Variants in BPTF observed in about 807,000 individuals in gnomAD.
The protein encoded by BPTF is bromodomain PHD finger transcription factor, also known as nucleosome-remodeling factor subunit BPTF.
Under a neutral mutation model 292.5 loss-of-function variants are expected in BPTF, and 18 were observed. The observed-to-expected ratio is 0.06, with a 90% confidence interval of 0.04 to 0.09. The LOEUF (loss-of-function observed/expected upper bound fraction) is 0.09, where lower values mean the gene tolerates loss of function less well. BPTF is among the 10% of genes least tolerant of loss of function. The probability of loss-of-function intolerance (pLI) is 1.00; values close to 1 mark genes in which losing one functional copy is unlikely to be tolerated. For synonymous variants in BPTF, 1,225 were observed against 1,251.9 expected (o/e 0.98, Z 0.45); for missense variants, 2,726 against 3,498.7 (o/e 0.78, Z 5.57).
chr17:67,828,657 T>G (rs2056349566), intron 1 of BPTF, among the ~76,000 whole-genome samples: 1 of 152,192 alleles, frequency 6.6e-6, no homozygotes, highest in African/African-American at 2.4e-5. Flanking sequence ...GCCTCCCAAG[T>G]AGCTGGGATT....
chr17:67,869,454 TATC>T (rs2059578596), intron 3 of BPTF, among the ~76,000 whole-genome samples: 1 of 152,306 alleles, frequency 6.6e-6, no homozygotes, highest in South Asian at 2.1e-4. Flanking sequence ...CATTATGAAT[TATC>T]ATGTGATAGA....
chr17:67,832,613 T>A (rs1453692335), intron 1 of BPTF, among the ~76,000 whole-genome samples: 1 of 151,968 alleles, frequency 6.6e-6, no homozygotes, highest in African/African-American at 2.4e-5. Flanking sequence ...TTTAGTGGTT[T>A]TTTTAGTATA....
intron 2 of BPTF, among the ~76,000 whole-genome samples, chr17:67,866,052 C>T (rs999507843): frequency 7.2e-5 from 11 of 152,156 alleles, no homozygotes; most frequent in African/African-American, 2.4e-4. Context: ...GCCTAGGAGT[C>T]TGAGTACGCA....
chr17:67,926,201 C>G (rs1257037015), intron 15 of BPTF, among the ~76,000 whole-genome samples: 1 of 150,370 alleles, frequency 6.7e-6, no homozygotes, highest in Admixed American at 6.7e-5. Context: ...AGAGATAGGA[C>G]TTTTGCCATA....
chr17:67,861,889 C>T lies in BPTF; in HGVS notation c.1437-4575C>T, dbSNP rs1490616359. On this transcript the variant is annotated intron_variant, in intron 2 of 27. Transcript: ENST00000306378. ...ATGCTACTTCCTAGGGATTTCTTTG[C>T]CTGCACCCCTTTCTTTCCCTGAACC... Among the ~76,000 whole-genome samples, 4 of 152,188 alleles carry T rather than the reference C, an allele frequency of 2.6e-5. No individual in the cohort carries two copies. In the East Asian group the frequency reaches 7.7e-4, roughly 29 times the overall value.
intron 4 of BPTF, among the ~76,000 whole-genome samples, chr17:67,889,661 A>G (rs546988907): frequency 3.9e-5 from 6 of 152,138 alleles, no homozygotes; most frequent in Admixed American, 6.5e-5. Context: ...TACAAAAATT[A>G]GCTGGGCATG....
intron 4 of BPTF, chr17:67,886,390 TG>T: frequency 9.4e-7 from 1 of 1,058,594 alleles, no homozygotes; most frequent in Non-Finnish European, 1.3e-6. Flanking sequence ...TGTGTGTGTG[TG>T]GTTTTTTGCT....
intron 7 of BPTF, among the ~76,000 whole-genome samples, chr17:67,899,533 CTT>C (rs573598642): frequency 1.6e-4 from 21 of 134,996 alleles, no homozygotes; most frequent in Non-Finnish European, 2.2e-4. Flanking sequence ...AGTTTTTTTT[CTT>C]TTTTTTTTTT....
chr17:67,857,034 G>T (rs1291122477), intron 2 of BPTF, among the ~76,000 whole-genome samples: 2 of 151,820 alleles, frequency 1.3e-5, no homozygotes, highest in Non-Finnish European at 2.9e-5. Flanking sequence ...TTTAGTTTGA[G>T]ATCAGGCTTT....
chr17:67,901,596 C>G (rs769338145), intron 7 of BPTF, among the ~76,000 whole-genome samples: 1 of 152,000 alleles, frequency 6.6e-6, no homozygotes, highest in Non-Finnish European at 1.5e-5. Context: ...CTAATACAAA[C>G]AAGACAAAGG....
rs1451496481 is a variant in BPTF, at chr17:67,911,170, A to G, written c.3286A>G (p.Thr1096Ala). The part of the protein sequence containing the change: ...GGIKGIGKTS[T>A]NSSKNLSESP... ...AATTAAGGGTATAGGAAAGACTTCT[A>G]CAAATTCTTCAAAAAATCTCTCTGA... Residue 1096 changes from threonine to alanine, a missense_variant, in exon 11 of 28, where the codon ACA (threonine) becomes GCA (alanine). Thr to Ala is a moderately conservative substitution (Grantham distance 58). Coordinates refer to ENST00000306378, the MANE Select transcript of BPTF (RefSeq NM_182641.4). 3.7e-6 allele frequency: 6 copies of G among 1,613,852 alleles called. No homozygotes were observed. Among genetic ancestry groups the G allele is most frequent in the African/African-American group, 1.3e-5 (1 of 75,032 alleles).
chr17:67,959,728 C>T lies in BPTF; in HGVS notation c.8114C>T (p.Pro2705Leu), dbSNP rs1341188763. Residue 2705 changes from proline to leucine, a missense_variant, in exon 24 of 28, where the codon CCT (proline) becomes CTT (leucine). Physicochemically the swap from Pro to Leu is moderately conservative, Grantham distance 98. Around this residue, in one of 22 missense-constraint regions of BPTF, gnomAD observed 148 missense variants for 145.5 expected, o/e 1.02. Coordinates refer to ENST00000306378, the MANE Select transcript of BPTF (RefSeq NM_182641.4). ...HTGLLSTPTLPAASQKRKREE... is the reference protein window; with the variant it reads ...HTGLLSTPTLLAASQKRKREE... ...GGCCTTCTGTCCACGCCCACCTTAC[C>T]TGCTGCTTCCCAGAAGAGGAAGCGG... 3.1e-6 allele frequency: 5 copies of T among 1,613,504 alleles called. No individual in the cohort carries two copies. Among genetic ancestry groups the T allele is most frequent in the Non-Finnish European group, 2.5e-6 (3 of 1,179,798 alleles).
At chr17:67,857,788 T>C (rs1343847415) in intron 2 of BPTF, among the ~76,000 whole-genome samples, 8 of 145,404 alleles carry the variant, frequency 5.5e-5, no homozygotes, top group African/African-American at 1.0e-4. Context: ...CTTTCTTTTT[T>C]TTTTTTTTTT....
chr17:67,971,474 C>T (rs1285891039), intron 26 of BPTF, among the ~76,000 whole-genome samples: 3 of 149,892 alleles, frequency 2.0e-5, no homozygotes, highest in Non-Finnish European at 4.4e-5. Flanking sequence ...CAAAGTGAGA[C>T]GCTGTCTTTA....
At chr17:67,943,023 A>C (rs1555672685) in intron 19 of BPTF, among the ~76,000 whole-genome samples, 1 of 152,126 alleles carries the variant, frequency 6.6e-6, no homozygotes, top group African/African-American at 2.4e-5. Context: ...TGTGAACCTC[A>C]GTGGCCTTAT....
rs2065751333 is a variant in BPTF at position 67,945,618 on chromosome 17, A to G, written c.6910A>G (p.Thr2304Ala). Residue 2304 changes from threonine to alanine, a missense_variant, in exon 21 of 28, where the codon ACT becomes GCT. By Grantham distance (58) the Thr-to-Ala change is moderately conservative. This residue lies in a region of BPTF where 570 missense variants were observed against 633.5 expected (regional missense o/e 0.90). Transcript: ENST00000306378. ...QTQPEVQTQT[T>A]VSSHVPSEAQ... is the part of the protein sequence containing the mutation. ...TCAGCCTGAAGTTCAGACCCAAACA[A>G]CTGTTTCATCCCATGTCCCTTCTGA... 14 of 1,613,434 alleles carry G rather than the reference A, an allele frequency of 8.7e-6. 1 individual carries two copies. The East Asian group carries it at 2.9e-4, about 33-fold the overall frequency.
intron 26 of BPTF, among the ~76,000 whole-genome samples, chr17:67,973,165 G>A (rs1204174777): frequency 6.7e-6 from 1 of 149,566 alleles, no homozygotes; most frequent in African/African-American, 2.5e-5. Context: ...ACGAGGTCAG[G>A]AGATTGAGAC....
rs141823022 is a variant in BPTF at position 67,932,120 on chromosome 17, A to C, written c.6259+101A>C. On this transcript the variant is annotated intron_variant, in intron 18 of 27. Transcript: ENST00000306378. The stretch of plus-strand genomic sequence containing the variant: ...ACTACATACGAGAAATATAATTTTA[A>C]TTAGTACTTCAAAGCATACTAAATT... 180 of 961,144 alleles carry C rather than the reference A, an allele frequency of 1.9e-4. No homozygotes were observed. In the African/African-American group the frequency reaches 2.7e-3, roughly 14 times the overall value. The allele number at this position is 961,144 out of a possible 1,614,324, so 59.5% of individuals were successfully genotyped here.
intron 4 of BPTF, chr17:67,886,114 T>C (rs756533047): frequency 4.9e-5 from 74 of 1,516,846 alleles, no homozygotes; most frequent in Admixed American, 8.0e-5. Context: ...AAATCAGATA[T>C]TCTATTTTTC....
Sources: allele counts gnomAD v4.1 joint callset (sites outside exome capture counted in the v4.1 genomes callset), GRCh38; gene constraint gnomAD v4.1.1; regional missense constraint gnomAD v4.1.1; transcripts MANE v1.5; gene names NCBI Gene and HGNC (gene_info 2026-07-23, HGNC 2026-07-21).